NRXN1: variants seen among roughly 807,000 people sequenced by gnomAD.
The protein encoded by NRXN1 is neurexin 1, also known as neurexin-1.
Under a neutral mutation model 150.9 loss-of-function variants are expected in NRXN1, and 39 were observed. The ratio of observed to expected loss-of-function variants is 0.26; its 90% confidence interval spans 0.20 to 0.34. The LOEUF (loss-of-function observed/expected upper bound fraction) is 0.34, where lower values mean the gene tolerates loss of function less well. Among genes scored for constraint, NRXN1 ranks in the 10% least tolerant of loss-of-function variants. The pLI is 1.00. For synonymous variants in NRXN1, 924 were observed against 757.0 expected (o/e 1.22, Z -3.62); for missense variants, 1,815 against 1,949.9 (o/e 0.93, Z 1.30).
At chr2:50,480,307 G>A (rs1043538977) in intron 15 of NRXN1, among the ~76,000 whole-genome samples, 5 of 152,248 alleles carry the variant, frequency 3.3e-5, no homozygotes, top group East Asian at 3.9e-4. Context: ...TGCATGAATC[G>A]TCTTCTCCAA....
At chr2:50,415,383 T>C (rs1179606837) in intron 17 of NRXN1, among the ~76,000 whole-genome samples, 1 of 152,090 alleles carries the variant, frequency 6.6e-6, no homozygotes, top group Non-Finnish European at 1.5e-5. Flanking sequence ...AATTTAATCA[T>C]TGTATTTTCT....
At chr2:50,978,443 T>C (rs1233667266) in intron 2 of NRXN1, among the ~76,000 whole-genome samples, 1 of 151,138 alleles carries the variant, frequency 6.6e-6, no homozygotes. Context: ...TCAATGTTGT[T>C]AATGGCTGCA....
At chr2:50,953,021 TAAGA>T (rs1691654382) in intron 2 of NRXN1, among the ~76,000 whole-genome samples, 1 of 152,158 alleles carries the variant, frequency 6.6e-6, no homozygotes, top group Non-Finnish European at 1.5e-5. Flanking sequence ...GAGAAAATAC[TAAGA>T]GAGAGGAACA....
At chr2:50,353,289 A>T (rs2078555392) in intron 17 of NRXN1, among the ~76,000 whole-genome samples, 1 of 152,160 alleles carries the variant, frequency 6.6e-6, no homozygotes, top group South Asian at 2.1e-4. Flanking sequence ...TGCAAGTTCA[A>T]GTGTTGCAGG....
At chr2:50,822,563 C>G (rs750083973) in intron 5 of NRXN1, among the ~76,000 whole-genome samples, 4 of 152,180 alleles carry the variant, frequency 2.6e-5, no homozygotes, top group Middle Eastern at 3.4e-3. Context: ...ACAGCCAAAT[C>G]TAATCAAGCT....
At chr2:50,098,602 G>A (rs553623186) in intron 18 of NRXN1, among the ~76,000 whole-genome samples, 17 of 152,110 alleles carry the variant, frequency 1.1e-4, no homozygotes, top group Non-Finnish European at 2.1e-4. Context: ...CAGCAGACCT[G>A]AAAGGTAAGT....
At chr2:50,172,378 T>C (rs2060084561) in intron 18 of NRXN1, among the ~76,000 whole-genome samples, 1 of 152,098 alleles carries the variant, frequency 6.6e-6, no homozygotes, top group South Asian at 2.1e-4. Flanking sequence ...AGGGAGGCCC[T>C]TGAAGGACTC....
At chr2:50,349,188 T>C (rs2078246403) in intron 17 of NRXN1, among the ~76,000 whole-genome samples, 1 of 152,196 alleles carries the variant, frequency 6.6e-6, no homozygotes, top group Non-Finnish European at 1.5e-5. Context: ...TTCAGTAGTA[T>C]ATTGATTGAA....
At chr2:50,330,709 A>G (rs113737964) in intron 17 of NRXN1, among the ~76,000 whole-genome samples, 3,755 of 152,334 alleles carry the variant, frequency 0.025, 68 homozygotes, top group Middle Eastern at 0.048. Flanking sequence ...TTTTCCAACT[A>G]TAAGTGGAAA....
At chr2:50,942,557 G>A (rs556432560) in intron 2 of NRXN1, among the ~76,000 whole-genome samples, 1 of 152,318 alleles carries the variant, frequency 6.6e-6, no homozygotes, top group South Asian at 2.1e-4. Context: ...TCTTGGATAT[G>A]AGACATGAAG....
At position 50,938,573 on chromosome 2, in the gene NRXN1, A is replaced by T. The variant is rs926968644; in HGVS notation, c.773-12618T>A. Among the ~76,000 whole-genome samples the T allele has an allele frequency of 6.4e-4, 98 of 152,080 alleles. 3 individuals carry two copies. ...TCTTTATAGCAGTACCCCACTCCTG[A>T]TATCAATTTTCTGTATTAGTCTGTT... On this transcript the variant is annotated intron_variant, in intron 2 of 22. Transcript: ENST00000401669.
Position 50,990,158 on chromosome 2 carries a change from T to C in NRXN1, c.772+37344A>G, listed in dbSNP as rs569231630. Among the ~76,000 whole-genome samples the C allele has an allele frequency of 2.0e-5, 3 of 152,146 alleles. No individual in the cohort carries two copies. The South Asian group carries it at 6.2e-4, about 32-fold the overall frequency. ...TTTGATCTTTTTTACATTGTGTTCA[T>C]TAACTTATCATTGAATTGTAAGGGT... On this transcript the variant is annotated intron_variant, in intron 2 of 22. Coordinates refer to ENST00000401669, the MANE Select transcript of NRXN1 (RefSeq NM_001330078.2).
At chr2:50,884,072 T>C (rs377302092) in intron 5 of NRXN1, among the ~76,000 whole-genome samples, 1 of 151,750 alleles carries the variant, frequency 6.6e-6, no homozygotes, top group Admixed American at 6.6e-5. Context: ...AAGGTAAATA[T>C]AAAGCACAAA....
chr2:50,521,432 T>G lies in NRXN1; in HGVS notation c.2374+7193A>C, dbSNP rs139967241. On this transcript the variant is annotated intron_variant, in intron 12 of 22. Transcript: ENST00000401669. ...ATAAACAATCCAATTTTAAGTACAT[T>G]AAAAATAAAGTAATTTAGCCTTTTA... 3.0e-3 allele frequency among the ~76,000 whole-genome samples: 453 copies of G among 152,334 alleles called. 2 individuals are homozygous for G. The highest frequency in any genetic ancestry group is 0.01 in the African/African-American group (424 of 41,586).
intron 8 of NRXN1, among the ~76,000 whole-genome samples, chr2:50,560,423 T>G (rs950103029): frequency 1.9e-5 from 2 of 108,068 alleles, no homozygotes; most frequent in Non-Finnish European, 3.6e-5. Flanking sequence ...GTCTGATGTA[T>G]GTTTATTTAT....
rs1671048351 is a variant in NRXN1, at chr2:50,829,304, A to G, written c.832+92565T>C. 1.1e-5 allele frequency: 7 copies of G among 627,634 alleles called. 1 individual carries two copies. In the South Asian group the frequency reaches 1.4e-4, roughly 12 times the overall value. The allele number at this position is 627,634 out of a possible 1,614,324, so 38.9% of individuals were successfully genotyped here. ...GGGAGAGGGAGAGGGGTAATTTTGT[A>G]TTTTTAGTAGAGATGGGGTTTCTCC... On this transcript the variant is annotated intron_variant, in intron 5 of 22. Coordinates refer to ENST00000401669, the MANE Select transcript of NRXN1 (RefSeq NM_001330078.2).
intron 5 of NRXN1, among the ~76,000 whole-genome samples, chr2:50,914,586 T>C (rs1427471996): frequency 6.6e-6 from 1 of 151,690 alleles, no homozygotes; most frequent in African/African-American, 2.4e-5. Context: ...GGTTTTTAAA[T>C]CTTTTCCAAA....
chr2:50,039,955 A>G (rs1044661166), intron 21 of NRXN1, among the ~76,000 whole-genome samples: 3 of 152,190 alleles, frequency 2.0e-5, no homozygotes, highest in African/African-American at 7.2e-5. Flanking sequence ...AGGTAATATG[A>G]TATTTAACTC....
rs563017599 is a variant in NRXN1, at chr2:50,895,167, A to G, written c.832+26702T>C. ...GCCTTAGAACCTTCAGTACATCTCA[A>G]ACGCTGTAAGAGTAATTTATGATCC... is the stretch of plus-strand genomic sequence containing the variant. On this transcript the variant is annotated intron_variant, in intron 5 of 22. Transcript: ENST00000401669. Among the ~76,000 whole-genome samples, 4 of 152,220 alleles carry G rather than the reference A, an allele frequency of 2.6e-5. No individual in the cohort carries two copies. In the South Asian group the frequency reaches 8.3e-4, roughly 32 times the overall value.
Sources: gnomAD v4.1 joint callset for allele counts (sites outside exome capture counted in the v4.1 genomes callset) on GRCh38, gnomAD v4.1.1 for gene constraint, MANE v1.5 for transcripts, NCBI Gene and HGNC (gene_info 2026-07-23, HGNC 2026-07-21) for gene names.